TMEM238: variants seen among roughly 807,000 people sequenced by gnomAD.
The protein encoded by TMEM238 is transmembrane protein 238.
For missense variants in TMEM238, 169 were observed against 206.8 expected, an observed-to-expected ratio of 0.82 and a Z score of 1.12; for synonymous variants, 103 against 111.5, an observed-to-expected ratio of 0.92 and a Z score of 0.48.
In TMEM238 at chr19:55,384,172, C is replaced by T; in HGVS notation, c.88G>A (p.Gly30Ser). 2 of 1,209,874 alleles carry T rather than the reference C, an allele frequency of 1.7e-6. No individual in the cohort carries two copies. Among genetic ancestry groups the T allele is most frequent in the Non-Finnish European group, 2.1e-6 (2 of 975,270 alleles). 74.9% of individuals were successfully genotyped at this position (1,209,874 alleles called of 1,614,324 possible). A position where few individuals can be genotyped will look rare whatever the true frequency, so the allele number is the denominator to read the frequency against. The part of the protein sequence containing the change: ...APAAAPAPAA[G>S]LGRCRMALLL... ...AGCGCCATCCGGCAGCGGCCCAGGCCGGCCGCGGGTGCTGGCGCGGCCGCC... is the reference window on the plus strand; with the variant it reads ...AGCGCCATCCGGCAGCGGCCCAGGCTGGCCGCGGGTGCTGGCGCGGCCGCC... Residue 30 changes from glycine (G) to serine (S), a missense_variant, in exon 1 of 2, where the codon GGC becomes AGC. Transcript: ENST00000444469. The surrounding 1 kb of genome is among the most constrained non-coding windows in gnomAD (Gnocchi z 5.6).
In TMEM238 at chr19:55,383,008, G is replaced by A. The variant is rs1041683089; in HGVS notation, c.*7+714C>T. ...TTGGGCAAATGTGGCGCCTTTCTGCGCTTCAGTTTCCTCCACTGCAGAATG... is the reference window on the plus strand; with the variant it reads ...TTGGGCAAATGTGGCGCCTTTCTGCACTTCAGTTTCCTCCACTGCAGAATG... On this transcript the variant is annotated intron_variant, in intron 1 of 1. Coordinates refer to ENST00000444469, the MANE Select transcript of TMEM238 (RefSeq NM_001190764.2). The surrounding 1 kb of genome is among the most constrained non-coding windows in gnomAD (Gnocchi z 4.9). Among the ~76,000 whole-genome samples, 1 of 152,206 alleles carries A rather than the reference G, an allele frequency of 6.6e-6. No homozygotes were observed. Among genetic ancestry groups the A allele is most frequent in the African/African-American group, 2.4e-5 (1 of 41,448 alleles).
At position 55,383,157 on chromosome 19, in the gene TMEM238, C is replaced by T. The variant is rs1361300935; in HGVS notation, c.*7+565G>A. On this transcript the variant is annotated intron_variant, in intron 1 of 1. Coordinates refer to ENST00000444469, the MANE Select transcript of TMEM238 (RefSeq NM_001190764.2). The surrounding 1 kb of genome is among the most constrained non-coding windows in gnomAD (Gnocchi z 4.9). ...TTGGGAGGCTGAGGAGAGCAAATCG[C>T]ATGAGCTCAGGAGGTGGGGACCAAC... Among the ~76,000 whole-genome samples, 2 of 152,194 alleles carry T rather than the reference C, an allele frequency of 1.3e-5. No homozygotes were observed. Among genetic ancestry groups the T allele is most frequent in the African/African-American group, 2.4e-5 (1 of 41,450 alleles).
Position 55,382,360 on chromosome 19 carries a change from C to T in TMEM238, c.*7+1362G>A, listed in dbSNP as rs150264039. Among the ~76,000 whole-genome samples the T allele has an allele frequency of 1.7e-4, 26 of 152,332 alleles. No homozygotes were observed. The East Asian group carries it at 3.7e-3, about 21-fold the overall frequency. On this transcript the variant is annotated intron_variant, in intron 1 of 1. Transcript: ENST00000444469. Reference sequence around the variant, plus strand: ...TGCTGGGCAATGCTAGGAACAAGGACGCTAGGGACCTAGGTCTTACCCTCA... The same window carrying T: ...TGCTGGGCAATGCTAGGAACAAGGATGCTAGGGACCTAGGTCTTACCCTCA...
intron 1 of TMEM238, among the ~76,000 whole-genome samples, chr19:55,381,481 A>C (rs1357210683): frequency 6.6e-6 from 1 of 151,900 alleles, no homozygotes; most frequent in African/African-American, 2.4e-5. Context: ...CTAGGATAAT[A>C]GGGTTTAATT....
At position 55,383,810 on chromosome 19, in the gene TMEM238, G is replaced by A. The variant is rs997509166; in HGVS notation, c.450C>T (p.Pro150=). 3 of 411,612 alleles carry A rather than the reference G, an allele frequency of 7.3e-6. No individual in the cohort carries two copies. The Admixed American group carries it at 2.0e-4, about 27-fold the overall frequency. The allele number at this position is 411,612 out of a possible 1,614,324, so 25.5% of individuals were successfully genotyped here. The change falls in exon 1 of 2, where the codon CCC becomes CCT. Residue 150 remains proline (P), a synonymous_variant. Coordinates refer to ENST00000444469, the MANE Select transcript of TMEM238 (RefSeq NM_001190764.2). This position sits in a 1 kb window ranked among gnomAD's most constrained non-coding sequence, Gnocchi z 4.9. ...ARRAARAPPP[P]AAGSRRVRLQ... ...GGCGCACGCGGCGGGAGCCGGCGGC[G>A]GGCGGCGGGGGCGCGCGGGCGGCTC...
At chr19:55,381,140 C>G (rs2089885034) in intron 1 of TMEM238, among the ~76,000 whole-genome samples, 1 of 151,694 alleles carries the variant, frequency 6.6e-6, no homozygotes, top group Non-Finnish European at 1.5e-5. Context: ...TAATTCCAGC[C>G]GGGCACGGTG....
chr19:55,384,063 T>C lies in TMEM238; in HGVS notation c.197A>G (p.Asp66Gly). 1.4e-6 allele frequency: 2 copies of C among 1,479,750 alleles called. No individual in the cohort carries two copies. The highest frequency in any genetic ancestry group is 9.0e-7 in the Non-Finnish European group (1 of 1,112,982). The allele number at this position is 1,479,750 out of a possible 1,614,324, so 91.7% of individuals were successfully genotyped here. ...VFAQLQVRGR[D>G]FGDLLIYSGA... ...CGAGTAGATGAGCAGGTCCCCGAAGTCGCGGCCGCGCACCTGCAGCTGCGC... is the reference window on the plus strand; with the variant it reads ...CGAGTAGATGAGCAGGTCCCCGAAGCCGCGGCCGCGCACCTGCAGCTGCGC... The change falls in exon 1 of 2, where the codon GAC (aspartate) becomes GGC (glycine). Residue 66 changes from aspartate (D) to glycine (G), a missense_variant. Asp to Gly is a moderately conservative substitution (Grantham distance 94). Coordinates refer to ENST00000444469, the MANE Select transcript of TMEM238 (RefSeq NM_001190764.2). The surrounding 1 kb of genome is among the most constrained non-coding windows in gnomAD (Gnocchi z 5.6).
chr19:55,382,412 C>T (rs1452146469), intron 1 of TMEM238, among the ~76,000 whole-genome samples: 1 of 152,204 alleles, frequency 6.6e-6, no homozygotes, highest in Non-Finnish European at 1.5e-5. Flanking sequence ...GTGGGAGAGA[C>T]AGTAACAACA....
At chr19:55,382,905 A>G (rs1408017071) in intron 1 of TMEM238, among the ~76,000 whole-genome samples, 1 of 152,142 alleles carries the variant, frequency 6.6e-6, no homozygotes, top group Admixed American at 6.5e-5. Context: ...CCTACAGGTC[A>G]GGAGAATCCC....
At chr19:55,380,129 C>T (rs1419762258) in intron 1 of TMEM238, among the ~76,000 whole-genome samples, 1 of 151,882 alleles carries the variant, frequency 6.6e-6, no homozygotes, top group Non-Finnish European at 1.5e-5. Context: ...AAACAAGAGT[C>T]CTGGGTTTGA....
chr19:55,383,755 C>T lies in TMEM238; in HGVS notation c.505G>A (p.Gly169Arg). The stretch of plus-strand genomic sequence containing the variant: ...CACTCGCTGCCCGCGCCCGCCGCCC[C>T]GGGCCCGGCCTCGAGCGTGGCGAGC... ...LQLATLEAGP[G>R]AAGAGSE is the part of the protein sequence containing the mutation. The change falls in exon 1 of 2, where the codon GGG becomes AGG. Residue 169 changes from glycine to arginine, a missense_variant. Coordinates refer to ENST00000444469, the MANE Select transcript of TMEM238 (RefSeq NM_001190764.2). The surrounding 1 kb of genome is among the most constrained non-coding windows in gnomAD (Gnocchi z 4.9). 1.1e-5 allele frequency: 3 copies of T among 265,342 alleles called. No individual in the cohort carries two copies. Among genetic ancestry groups the T allele is most frequent in the East Asian group, 6.4e-5 (1 of 15,726 alleles). 16.4% of individuals were successfully genotyped at this position (265,342 alleles called of 1,614,324 possible).
In TMEM238 at chr19:55,383,226, A is replaced by T. The variant is rs1272976536; in HGVS notation, c.*7+496T>A. Among the ~76,000 whole-genome samples the T allele has an allele frequency of 6.6e-6, 1 of 152,212 alleles. No homozygotes were observed. Among genetic ancestry groups the T allele is most frequent in the African/African-American group, 2.4e-5 (1 of 41,454 alleles). On this transcript the variant is annotated intron_variant, in intron 1 of 1. Transcript: ENST00000444469. This position sits in a 1 kb window ranked among gnomAD's most constrained non-coding sequence, Gnocchi z 4.9. ...CCCCGTCTCTACTAAATATACAAAA[A>T]TTAGCCCGGCAAGGTGGGGCGCACA...
intron 1 of TMEM238, among the ~76,000 whole-genome samples, chr19:55,380,001 G>A (rs540797175): frequency 3.3e-5 from 5 of 151,686 alleles, no homozygotes; most frequent in African/African-American, 4.9e-5. Context: ...GGCTCTGCCC[G>A]GCTACTCATG....
intron 1 of TMEM238, among the ~76,000 whole-genome samples, chr19:55,381,418 CAAAAAAAAAAA>C (rs56902543): frequency 7.5e-5 from 4 of 53,532 alleles, no homozygotes; most frequent in Non-Finnish European, 1.1e-4. Context: ...AACTCCATCT[CAAAAAAAAAAA>C]AAAAAAAAAA....
At position 55,383,047 on chromosome 19, in the gene TMEM238, T is replaced by C. The variant is rs777089699; in HGVS notation, c.*7+675A>G. Among the ~76,000 whole-genome samples, 2 of 152,224 alleles carry C rather than the reference T, an allele frequency of 1.3e-5. No homozygotes were observed. Among genetic ancestry groups the C allele is most frequent in the African/African-American group, 2.4e-5 (1 of 41,466 alleles). ...CACTGCAGAATGGGGATGGTAATAG[T>C]AGTGACCTTGGAGACCAGTTACATG... On this transcript the variant is annotated intron_variant, in intron 1 of 1. Coordinates refer to ENST00000444469, the MANE Select transcript of TMEM238 (RefSeq NM_001190764.2). The surrounding 1 kb of genome is among the most constrained non-coding windows in gnomAD (Gnocchi z 4.9).
intron 1 of TMEM238, among the ~76,000 whole-genome samples, chr19:55,380,192 G>T (rs1402289005): frequency 2.0e-5 from 3 of 151,628 alleles, no homozygotes; most frequent in Non-Finnish European, 4.4e-5. Flanking sequence ...TGTGGTCTGA[G>T]TCTTTGGTGG....
chr19:55,379,682 CAG>C lies in TMEM238; in HGVS notation c.*8-317_*8-316del, dbSNP rs2089877117. On this transcript the variant is annotated intron_variant, in intron 1 of 1. Transcript: ENST00000444469. ...GGGACAAAGAAAGAGACCTGGGAGA[CAG>C]AGACACAGAGACAAAGAGTGAGAGA... is the stretch of plus-strand genomic sequence containing the variant. Among the ~76,000 whole-genome samples, 4 of 152,192 alleles carry C rather than the reference CAG, an allele frequency of 2.6e-5. No homozygotes were observed. In the South Asian group the frequency reaches 8.3e-4, roughly 32 times the overall value.
rs1285969153 is a variant in TMEM238, at chr19:55,383,539, T to C, written c.*7+183A>G. On this transcript the variant is annotated intron_variant, in intron 1 of 1. Transcript: ENST00000444469. This position sits in a 1 kb window ranked among gnomAD's most constrained non-coding sequence, Gnocchi z 4.9. ...TCACAGCCTCCCCCACGTATGCACC[T>C]GTGCTTGCTGTGTCTGCGGTTCTCC... is the stretch of plus-strand genomic sequence containing the variant. Among the ~76,000 whole-genome samples the C allele has an allele frequency of 4.6e-5, 7 of 152,124 alleles. No individual in the cohort carries two copies. The highest frequency in any genetic ancestry group is 1.5e-5 in the Non-Finnish European group (1 of 68,006).
intron 1 of TMEM238, among the ~76,000 whole-genome samples, chr19:55,379,793 C>T (rs1262011968): frequency 1.3e-5 from 2 of 152,080 alleles, no homozygotes; most frequent in Non-Finnish European, 2.9e-5. Flanking sequence ...AGCATTTTGG[C>T]TGCAGGCAGG....
Sources: gnomAD v4.1 joint callset for allele counts (sites outside exome capture counted in the v4.1 genomes callset) on GRCh38, gnomAD v4.1.1 for gene constraint, Gnocchi (gnomAD v3.1) non-coding constraint, MANE v1.5 for transcripts, NCBI Gene and HGNC (gene_info 2026-07-23, HGNC 2026-07-21) for gene names.